The following NLGN1 variants were observed in gnomAD, a reference collection of about 807,000 sequenced individuals.
NLGN1 encodes the protein neuroligin-1.
NLGN1 carries 12 observed loss-of-function variants against 65.5 expected under a neutral mutation model. The ratio of observed to expected loss-of-function variants is 0.18; its 90% confidence interval spans 0.12 to 0.30. The LOEUF (loss-of-function observed/expected upper bound fraction) is 0.30. Among genes scored for constraint, NLGN1 ranks in the 10% least tolerant of loss-of-function variants. NLGN1 has a pLI of 1.00. For synonymous variants in NLGN1, 350 were observed against 359.5 expected (o/e 0.97, Z 0.30); for missense variants, 750 against 1,007.1 (o/e 0.74, Z 3.46).
intron 4 of NLGN1, among the ~76,000 whole-genome samples, chr3:174,225,107 G>A (rs1739375539): frequency 6.6e-6 from 1 of 152,152 alleles, no homozygotes; most frequent in Admixed American, 6.5e-5. Flanking sequence ...TGGTTGGGAA[G>A]GGCTACCTGT....
At chr3:174,144,560 C>T (rs1277735585) in intron 4 of NLGN1, among the ~76,000 whole-genome samples, 2 of 152,208 alleles carry the variant, frequency 1.3e-5, no homozygotes, top group Non-Finnish European at 2.9e-5. Context: ...TATTTCTCCA[C>T]ATCCTCTCCA....
chr3:174,247,297 G>A (rs544258108), intron 4 of NLGN1, among the ~76,000 whole-genome samples: 29 of 152,246 alleles, frequency 1.9e-4, no homozygotes, highest in Middle Eastern at 6.8e-3. Flanking sequence ...CTGAAGATAC[G>A]TATCATCTGG....
At chr3:174,157,519 A>G (rs1365254377) in intron 4 of NLGN1, among the ~76,000 whole-genome samples, 1 of 151,752 alleles carries the variant, frequency 6.6e-6, no homozygotes, top group African/African-American at 2.4e-5. Context: ...TCTACCAACG[A>G]TAGTTGACGT....
chr3:173,573,453 A>G (rs1213138531), intron 2 of NLGN1, among the ~76,000 whole-genome samples: 1 of 150,684 alleles, frequency 6.6e-6, no homozygotes, highest in Middle Eastern at 3.3e-3. Flanking sequence ...TAATGGCTAA[A>G]TGGGGATACA....
At chr3:174,154,911 TAA>T (rs1242417988) in intron 4 of NLGN1, among the ~76,000 whole-genome samples, 2 of 141,488 alleles carry the variant, frequency 1.4e-5, no homozygotes, top group African/African-American at 2.7e-5. Flanking sequence ...CATTTTATAT[TAA>T]GATATTTATA....
At chr3:173,399,683 C>A (rs1196793053) in intron 1 of NLGN1, 2 of 152,140 alleles carry the variant, frequency 1.3e-5, no homozygotes, top group African/African-American at 4.8e-5. Flanking sequence ...TTTTATTCTG[C>A]TTTTACTATT....
At chr3:174,217,338 A>G (rs1247835716) in intron 4 of NLGN1, among the ~76,000 whole-genome samples, 4 of 152,154 alleles carry the variant, frequency 2.6e-5, no homozygotes, top group African/African-American at 9.7e-5. Context: ...CCAAATGAAA[A>G]CATAATCTAC....
At chr3:173,462,510 G>C (rs573338790) in intron 2 of NLGN1, among the ~76,000 whole-genome samples, 5 of 151,736 alleles carry the variant, frequency 3.3e-5, no homozygotes, top group Non-Finnish European at 7.4e-5. Flanking sequence ...CTCTTTTTGC[G>C]TGCATTTCCT....
intron 4 of NLGN1, among the ~76,000 whole-genome samples, chr3:174,128,843 C>T (rs1165416688): frequency 1.3e-5 from 2 of 152,070 alleles, no homozygotes; most frequent in Non-Finnish European, 2.9e-5. Flanking sequence ...TATCAATCAC[C>T]CTCCTCACTG....
At chr3:173,872,365 A>T (rs1731333764) in intron 4 of NLGN1, among the ~76,000 whole-genome samples, 7 of 152,214 alleles carry the variant, frequency 4.6e-5, no homozygotes, top group Admixed American at 4.6e-4. Flanking sequence ...TCTGAACTAA[A>T]ATGGGTCAAA....
At chr3:174,076,716 A>T (rs896977914) in intron 4 of NLGN1, among the ~76,000 whole-genome samples, 88 of 130,376 alleles carry the variant, frequency 6.7e-4, no homozygotes, top group Middle Eastern at 7.8e-3. Context: ...AGAGAGAGAG[A>T]GAGAGAGAGT....
chr3:174,256,553 TTGTG>T (rs1212023229), intron 4 of NLGN1, among the ~76,000 whole-genome samples: 3 of 151,776 alleles, frequency 2.0e-5, no homozygotes, highest in Non-Finnish European at 4.4e-5. Flanking sequence ...GCATGTGTGT[TTGTG>T]TGTGTGTGGC....
intron 4 of NLGN1, among the ~76,000 whole-genome samples, chr3:174,088,324 G>A (rs1300153924): frequency 6.6e-6 from 1 of 152,146 alleles, no homozygotes; most frequent in Non-Finnish European, 1.5e-5. Context: ...TACGTAGGAG[G>A]CCTTTGGAGA....
At chr3:174,294,003 T>A in the NLGN1 span, among the ~76,000 whole-genome samples, 1 of 151,642 alleles carries the variant, frequency 6.6e-6, no homozygotes, top group East Asian at 1.9e-4. Context: ...TTCTTCCAAA[T>A]AGAAAGTTTG....
intron 2 of NLGN1, among the ~76,000 whole-genome samples, chr3:173,489,655 G>A (rs1270139158): frequency 1.3e-5 from 2 of 151,996 alleles, no homozygotes; most frequent in Non-Finnish European, 2.9e-5. Context: ...CTGAGGAATC[G>A]CCACACTGAC....
At chr3:174,114,905 C>G (rs1716055074) in intron 4 of NLGN1, among the ~76,000 whole-genome samples, 2 of 152,018 alleles carry the variant, frequency 1.3e-5, no homozygotes, top group African/African-American at 2.4e-5. Flanking sequence ...TACAAAATAG[C>G]AGGTATCTAT....
chr3:174,289,969 G>GTGTATATATATATGTA (rs1561498270), downstream of NLGN1, among the ~76,000 whole-genome samples: 111 of 133,726 alleles, frequency 8.3e-4, 3 homozygotes, highest in East Asian at 0.02. Flanking sequence ...ATATATATAT[G>GTGTATATATATATGTA]TATATATATA....
rs549396488 is a variant in NLGN1 at position 174,137,144 on chromosome 3, G to A, written c.647-138171G>A. Reference sequence around the variant, plus strand: ...ATAAGGACACTCACCATTAACATTCGCAGTTGAAACCACCATTGCAAAGTT... The same window carrying A: ...ATAAGGACACTCACCATTAACATTCACAGTTGAAACCACCATTGCAAAGTT... On this transcript the variant is annotated intron_variant, in intron 4 of 6. Transcript: ENST00000457714. Among the ~76,000 whole-genome samples the A allele has an allele frequency of 1.9e-4, 29 of 152,112 alleles. No homozygotes were observed. In the South Asian group the frequency reaches 3.3e-3, roughly 17 times the overall value.
At chr3:173,512,348 T>A (rs961908320) in intron 2 of NLGN1, among the ~76,000 whole-genome samples, 1 of 152,174 alleles carries the variant, frequency 6.6e-6, no homozygotes, top group African/African-American at 2.4e-5. Context: ...GAGAATTTTG[T>A]TGAGTGATGA....
Sources: allele counts gnomAD v4.1 joint callset (sites outside exome capture counted in the v4.1 genomes callset), GRCh38; gene constraint gnomAD v4.1.1; transcripts MANE v1.5; gene names NCBI Gene and HGNC (gene_info 2026-07-23, HGNC 2026-07-21).